The following SH3RF2 variants were observed in gnomAD, a reference collection of about 807,000 sequenced individuals.
SH3RF2 encodes SH3 domain containing ring finger 2.
A neutral mutation model predicts 59.0 loss-of-function variants in SH3RF2; 43 were observed. That is an observed-to-expected ratio of 0.73 (90% CI 0.57 to 0.94). The LOEUF (loss-of-function observed/expected upper bound fraction) is 0.94, where lower values mean the gene tolerates loss of function less well. Ranked by LOEUF, SH3RF2 falls within the 40% of genes least tolerant of loss-of-function variation. The probability of loss-of-function intolerance (pLI) is 0.00; values close to 1 mark genes in which losing one functional copy is unlikely to be tolerated. For missense variants in SH3RF2, 930 were observed against 940.1 expected (o/e 0.99, Z 0.14); for synonymous variants, 391 against 391.5 (o/e 1.00, Z 0.01).
At chr5:146,064,852 GAAAGAAAGAAAGAGAA>G (rs1421871485), downstream of SH3RF2, among the ~76,000 whole-genome samples, 13 of 20,032 alleles carry the variant, frequency 6.5e-4, 1 homozygote, top group African/African-American at 8.7e-4. Context: ...AAGAAAGAAA[GAAAGAAAGAAAGAGAA>G]AGAAAAAGAA....
chr5:146,040,326 C>T (rs1762082786), intron 5 of SH3RF2, among the ~76,000 whole-genome samples: 1 of 152,018 alleles, frequency 6.6e-6, no homozygotes, highest in South Asian at 2.1e-4. Context: ...TATCCGTATG[C>T]AAAATATATT....
At chr5:146,035,729 C>T (rs552142897) in intron 5 of SH3RF2, among the ~76,000 whole-genome samples, 35 of 152,316 alleles carry the variant, frequency 2.3e-4, no homozygotes, top group African/African-American at 7.2e-4. Flanking sequence ...TTTATAAGGA[C>T]GTAGGTCCTT....
intron 9 of SH3RF2, among the ~76,000 whole-genome samples, chr5:146,075,324 C>A (rs1037988092): frequency 2.0e-5 from 3 of 152,168 alleles, no homozygotes; most frequent in Non-Finnish European, 2.9e-5. Context: ...TATCAAACAT[C>A]GACTTATTTA....
chr5:146,016,751 C>G (rs1289207155), intron 5 of SH3RF2, among the ~76,000 whole-genome samples: 1 of 152,168 alleles, frequency 6.6e-6, no homozygotes, highest in South Asian at 2.1e-4. Context: ...TCTGCAGCCT[C>G]CCTTTTCTTG....
intron 9 of SH3RF2, among the ~76,000 whole-genome samples, chr5:146,074,168 T>C (rs920305906): frequency 6.6e-6 from 1 of 151,158 alleles, no homozygotes; most frequent in Non-Finnish European, 1.5e-5. Context: ...GCCTCCCGAG[T>C]AGCTGGGACT....
Position 146,049,525 on chromosome 5 carries a change from T to G in SH3RF2, c.1322+280T>G, listed in dbSNP as rs146883692. Among the ~76,000 whole-genome samples the G allele has an allele frequency of 6.8e-4, 103 of 152,288 alleles. 1 individual carries two copies. The highest frequency in any genetic ancestry group is 1.9e-3 in the East Asian group (10 of 5,184). ...TATTATGTTACAGATGAAAATGGTG[T>G]GCAGAGTTAAGCAACTTGCTCAAGA... On this transcript the variant is annotated intron_variant, in intron 7 of 9. Transcript: ENST00000359120.
In SH3RF2 at chr5:146,000,071, A is replaced by G; in HGVS notation, c.392A>G (p.Lys131Arg). Residue 131 changes from lysine (K) to arginine (R), a missense_variant, in exon 3 of 10, where the codon AAG becomes AGG. Transcript: ENST00000359120. ...RIHMDGVPRA[K>R]ALCNYRGQNP... ...GTGCCATTGCAGGTGCCTCGAGCAA[A>G]GGCCTTATGCAACTACAGAGGGCAG... The G allele has an allele frequency of 6.2e-7, 1 of 1,612,710 alleles. No homozygotes were observed. Among genetic ancestry groups the G allele is most frequent in the Non-Finnish European group, 8.5e-7 (1 of 1,179,444 alleles).
intron 5 of SH3RF2, among the ~76,000 whole-genome samples, chr5:146,015,807 C>T (rs918596509): frequency 5.3e-5 from 8 of 152,198 alleles, no homozygotes; most frequent in South Asian, 2.1e-4. Context: ...TTCACACATC[C>T]GATGACCAGG....
intron 8 of SH3RF2, 111 bp downstream of exon 8, chr5:146,056,324 C>A: frequency 6.7e-7 from 1 of 1,498,890 alleles, no homozygotes; most frequent in Non-Finnish European, 9.0e-7. Flanking sequence ...TAAACTAAGC[C>A]CCTGCAAAGG....
intron 4 of SH3RF2, among the ~76,000 whole-genome samples, chr5:146,011,581 G>A (rs1309831847): frequency 6.6e-6 from 1 of 152,130 alleles, no homozygotes; most frequent in African/African-American, 2.4e-5. Flanking sequence ...AGTTCTCCTT[G>A]AAGAAGTCCC....
At chr5:146,069,937 T>C (rs933292021) in intron 9 of SH3RF2, among the ~76,000 whole-genome samples, 13 of 149,668 alleles carry the variant, frequency 8.7e-5, no homozygotes, top group African/African-American at 3.0e-4. Context: ...ATGTTTCAAT[T>C]CCTTGTTTAA....
intron 4 of SH3RF2, among the ~76,000 whole-genome samples, chr5:146,006,209 G>C (rs1416851949): frequency 3.9e-5 from 6 of 152,148 alleles, no homozygotes; most frequent in Non-Finnish European, 8.8e-5. Flanking sequence ...GATTACTTGA[G>C]CCCGAGAGAT....
Position 146,060,063 on chromosome 5 carries a change from A to C in SH3RF2, c.1753A>C (p.Ile585Leu), listed in dbSNP as rs370706003. 50 of 1,613,788 alleles carry C rather than the reference A, an allele frequency of 3.1e-5. No homozygotes were observed. In the Admixed American group the frequency reaches 5.2e-4, roughly 17 times the overall value. Residue 585 changes from isoleucine (I) to leucine (L), a missense_variant, in exon 9 of 10, where the codon ATC becomes CTC. Coordinates refer to ENST00000359120, the MANE Select transcript of SH3RF2 (RefSeq NM_152550.4). ...CACGGGGGAGCCCGCCCTCACGTGC[A>C]TCAGCAGGGGCAGTGAGGCCTGGAT... ...ALTGEPALTCISRGSEAWIHS... is the reference protein window; with the variant it reads ...ALTGEPALTCLSRGSEAWIHS...
intron 8 of SH3RF2, among the ~76,000 whole-genome samples, chr5:146,056,873 A>T (rs1359732565): frequency 6.6e-6 from 1 of 152,172 alleles, no homozygotes; most frequent in Admixed American, 6.5e-5. Context: ...TAACATCCAC[A>T]TTGCACACAT....
chr5:146,053,707 A>G (rs1306402242), intron 7 of SH3RF2, among the ~76,000 whole-genome samples: 1 of 151,910 alleles, frequency 6.6e-6, no homozygotes, highest in East Asian at 1.9e-4. Context: ...CTCCTAATAA[A>G]TACCCTTCTG....
chr5:146,047,982 C>G, intron 6 of SH3RF2, 119 bp downstream of exon 6: 3 of 909,210 alleles, frequency 3.3e-6, no homozygotes, highest in Non-Finnish European at 5.0e-6. Context: ...CAATAGGTCG[C>G]CTTCCTTTAC....
At position 145,938,171 on chromosome 5, in the gene SH3RF2, C is replaced by T. The variant is rs534789556; in HGVS notation, c.243C>T (p.Ser81=). 6.2e-7 allele frequency: 1 copy of T among 1,614,116 alleles called. No individual in the cohort carries two copies. Among genetic ancestry groups the T allele is most frequent in the East Asian group, 2.2e-5 (1 of 44,884 alleles). ...TGGATGGAGTGCGCTCAGGGCAGAG[C>T]TCCGGGAGAGGGGGCTCCTTCCGCA... ...RLLDGVRSGQ[S]SGRGGSFRRP... is the part of the protein sequence containing the mutation. The change falls in exon 2 of 10, where the codon AGC becomes AGT. Residue 81 remains serine, a synonymous_variant. Coordinates refer to ENST00000359120, the MANE Select transcript of SH3RF2 (RefSeq NM_152550.4).
At chr5:146,031,091 G>A (rs1300386485) in intron 5 of SH3RF2, among the ~76,000 whole-genome samples, 1 of 152,222 alleles carries the variant, frequency 6.6e-6, no homozygotes, top group East Asian at 1.9e-4. Context: ...GAATGTGTGT[G>A]CCTGGTCACT....
Position 146,000,121 on chromosome 5 carries a change from A to G in SH3RF2, c.442A>G (p.Lys148Glu), listed in dbSNP as rs748682008. 3.1e-6 allele frequency: 5 copies of G among 1,613,766 alleles called. No individual in the cohort carries two copies. The African/African-American group carries it at 6.7e-5, about 22-fold the overall frequency. The change falls in exon 3 of 10, where the codon AAG (lysine) becomes GAG (glutamate). Residue 148 changes from lysine to glutamate, a missense_variant. Physicochemically the swap from Lys to Glu is moderately conservative, Grantham distance 56. Transcript: ENST00000359120. The part of the protein sequence containing the change: ...GQNPGDLRFN[K>E]GDIILLRRQL... Reference sequence around the variant, plus strand: ...GAATCCCGGTGACCTAAGGTTTAATAAGGGAGATATCATCCTTCTCCGGAG... The same window carrying G: ...GAATCCCGGTGACCTAAGGTTTAATGAGGGAGATATCATCCTTCTCCGGAG...
Sources: gnomAD v4.1 joint callset for allele counts (sites outside exome capture counted in the v4.1 genomes callset) on GRCh38, gnomAD v4.1.1 for gene constraint, MANE v1.5 for transcripts, NCBI Gene and HGNC (gene_info 2026-07-23, HGNC 2026-07-21) for gene names.